The following NSD3 variants were observed in gnomAD, a reference collection of about 807,000 sequenced individuals.
The protein encoded by NSD3 is nuclear receptor binding SET domain protein 3.
Under a neutral mutation model 160.8 loss-of-function variants are expected in NSD3, and 24 were observed. The observed-to-expected ratio is 0.15, with a 90% CI of 0.11 to 0.21. The LOEUF (loss-of-function observed/expected upper bound fraction) is 0.21. NSD3 is among the 10% of genes least tolerant of loss of function. The pLI, the probability that NSD3 is intolerant of heterozygous loss-of-function variation, is 1.00. For synonymous variants in NSD3, 520 were observed against 600.0 expected (o/e 0.87, Z 1.95); for missense variants, 1,157 against 1,735.9 (o/e 0.67, Z 5.93).
Position 38,314,724 on chromosome 8 carries a change from C to T in NSD3, c.2165G>A (p.Cys722Tyr). 2 of 1,614,194 alleles carry T rather than the reference C, an allele frequency of 1.2e-6. No homozygotes were observed. The highest frequency in any genetic ancestry group is 1.7e-6 in the Non-Finnish European group (2 of 1,180,024). The change falls in exon 12 of 24, where the codon TGC becomes TAC. Residue 722 changes from cysteine (C) to tyrosine (Y), a missense_variant. Physicochemically the swap from Cys to Tyr is radical, Grantham distance 194. This residue lies in a region of NSD3 where 437 missense variants were observed against 576.6 expected (regional missense o/e 0.76). Transcript: ENST00000317025. ...DSLIPCEGEC[C>Y]KHFHLECLGL... ...CAGGCACTCCAGGTGAAAGTGTTTGCAGCACTCTCCCTCACAAGGAATCAG... is the reference window on the plus strand; with the variant it reads ...CAGGCACTCCAGGTGAAAGTGTTTGTAGCACTCTCCCTCACAAGGAATCAG...
chr8:38,315,757 T>G (rs1809646198), intron 10 of NSD3, among the ~76,000 whole-genome samples, 155 bp downstream of exon 10: 1 of 152,238 alleles, frequency 6.6e-6, no homozygotes, highest in Admixed American at 6.5e-5. Flanking sequence ...AGTTTTGTTA[T>G]ATAACATGAG....
intron 4 of NSD3, among the ~76,000 whole-genome samples, chr8:38,336,659 G>A (rs1381763850): frequency 3.3e-5 from 5 of 152,156 alleles, no homozygotes; most frequent in Admixed American, 3.3e-4. Flanking sequence ...TAAAACATCT[G>A]ATCGCTTGTC....
intron 21 of NSD3, 141 bp downstream of exon 21, chr8:38,279,399 T>G (rs1808683368): frequency 1.9e-6 from 2 of 1,046,698 alleles, no homozygotes; most frequent in Non-Finnish European, 2.7e-6. Context: ...TCTCCTTTTA[T>G]TTGAATACGT....
In NSD3 at chr8:38,304,681, T is replaced by G. The variant is rs977146515; in HGVS notation, c.2517A>C (p.Leu839Phe). 1 of 1,614,092 alleles carries G rather than the reference T, an allele frequency of 6.2e-7. No homozygotes were observed. The highest frequency in any genetic ancestry group is 8.5e-7 in the Non-Finnish European group (1 of 1,179,982). ...GDACIAAGSM[L>F]VSSYILICSN... Reference sequence around the variant, plus strand: ...TACAGATGAGAATGTAGGAGGATACTAACATGCTTCCGGCCGCAATGCAAG... The same window carrying G: ...TACAGATGAGAATGTAGGAGGATACGAACATGCTTCCGGCCGCAATGCAAG... Residue 839 changes from leucine (L) to phenylalanine (F), a missense_variant, in exon 14 of 24, where the codon TTA becomes TTC. Leu to Phe is a conservative substitution (Grantham distance 22, BLOSUM62 0). This residue lies in a region of NSD3 where 437 missense variants were observed against 576.6 expected (regional missense o/e 0.76). Transcript: ENST00000317025.
At chr8:38,341,799 C>T (rs1169739839) in intron 2 of NSD3, among the ~76,000 whole-genome samples, 1 of 151,440 alleles carries the variant, frequency 6.6e-6, no homozygotes, top group Admixed American at 6.6e-5. Flanking sequence ...AAAAAAAGAG[C>T]CAGGCGTAGT....
At chr8:38,283,670 G>A (rs113837358) in intron 19 of NSD3, among the ~76,000 whole-genome samples, 3 of 152,164 alleles carry the variant, frequency 2.0e-5, no homozygotes, top group Non-Finnish European at 2.9e-5. Flanking sequence ...GGCATGTGGC[G>A]AGTGAGCTCA....
chr8:38,306,992 G>A (rs1809414004), intron 12 of NSD3, among the ~76,000 whole-genome samples: 1 of 151,646 alleles, frequency 6.6e-6, no homozygotes, highest in African/African-American at 2.4e-5. Context: ...GCGGGCGCCT[G>A]TAGTCGCAGC....
chr8:38,334,078 T>G (rs1810143848), intron 4 of NSD3, among the ~76,000 whole-genome samples: 1 of 152,254 alleles, frequency 6.6e-6, no homozygotes, highest in Admixed American at 6.5e-5. Context: ...ATAGGCATCA[T>G]GCGTGGAACA....
At chr8:38,295,062 T>C (rs1030505962) in intron 16 of NSD3, among the ~76,000 whole-genome samples, 2 of 144,298 alleles carry the variant, frequency 1.4e-5, no homozygotes, top group Non-Finnish European at 3.0e-5. Context: ...GAGAATGGCA[T>C]GAACCCGGGA....
chr8:38,381,418 C>A (rs1172514668), intron 1 of NSD3, among the ~76,000 whole-genome samples: 1 of 151,946 alleles, frequency 6.6e-6, no homozygotes, highest in Non-Finnish European at 1.5e-5. Flanking sequence ...TATCAGTCCA[C>A]CCAGGTCTGT....
chr8:38,290,748 A>G, intron 16 of NSD3, 71 bp from the exon 17 acceptor site: 1 of 1,526,846 alleles, frequency 6.5e-7, no homozygotes, highest in Non-Finnish European at 8.9e-7. Flanking sequence ...CAAGATTGGC[A>G]GAAGGGAAAA....
intron 2 of NSD3, among the ~76,000 whole-genome samples, chr8:38,339,846 T>C (rs1810316340): frequency 6.6e-6 from 1 of 152,180 alleles, no homozygotes; most frequent in Non-Finnish European, 1.5e-5. Flanking sequence ...TAGAAATTTA[T>C]TCTATAGAAA....
At chr8:38,310,982 G>A (rs1809520404) in intron 12 of NSD3, among the ~76,000 whole-genome samples, 1 of 149,770 alleles carries the variant, frequency 6.7e-6, no homozygotes, top group African/African-American at 2.5e-5. Flanking sequence ...AAGCCAACAT[G>A]TTGTTTTCTT....
At chr8:38,286,300 A>C (rs1039126468) in intron 19 of NSD3, among the ~76,000 whole-genome samples, 1 of 151,738 alleles carries the variant, frequency 6.6e-6, no homozygotes, top group African/African-American at 2.4e-5. Context: ...CCACATAACA[A>C]ACAAACACAC....
chr8:38,283,665 G>T (rs1012200710), intron 19 of NSD3, among the ~76,000 whole-genome samples: 6 of 152,174 alleles, frequency 3.9e-5, no homozygotes, highest in Admixed American at 6.5e-5. Context: ...TTGGTGGCAT[G>T]TGGCGAGTGA....
Position 38,347,565 on chromosome 8 carries a change from G to C in NSD3, c.607C>G (p.His203Asp), listed in dbSNP as rs1384752938. The C allele has an allele frequency of 2.5e-6, 4 of 1,614,048 alleles. No individual in the cohort carries two copies. The change falls in exon 2 of 24, where the codon CAT becomes GAT. Residue 203 changes from histidine (H) to aspartate (D), a missense_variant. Coordinates refer to ENST00000317025, the MANE Select transcript of NSD3 (RefSeq NM_023034.2). ...RKEKRKKSNK[H>D]DSSRSEERKS... ...CGCTCTTCAGATCTTGATGAGTCAT[G>C]CTTGTTGCTTTTTTTCCTCTTTTCT...
In NSD3 at chr8:38,305,415, G is replaced by T; in HGVS notation, c.2273C>A (p.Ser758Tyr). The T allele has an allele frequency of 6.2e-7, 1 of 1,614,128 alleles. No individual in the cohort carries two copies. The highest frequency in any genetic ancestry group is 2.2e-5 in the East Asian group (1 of 44,886). Residue 758 changes from serine to tyrosine, a missense_variant, in exon 13 of 24, where the codon TCT (serine) becomes TAT (tyrosine). This residue lies in a region of NSD3 where 437 missense variants were observed against 576.6 expected (regional missense o/e 0.76). Coordinates refer to ENST00000317025, the MANE Select transcript of NSD3 (RefSeq NM_023034.2). ...AGAACAACGCTTCACATCTTTACCAGACACTTTACACGAAAAACATGGGTG... is the reference window on the plus strand; with the variant it reads ...AGAACAACGCTTCACATCTTTACCATACACTTTACACGAAAAACATGGGTG... Reference protein sequence around the residue: ...GQHPCFSCKVSGKDVKRCSVG... With the variant: ...GQHPCFSCKVYGKDVKRCSVG...
In NSD3 at chr8:38,271,230, C is replaced by CTAT. The variant is rs1419894664; in HGVS notation, c.*4408_*4410dup. On this transcript the variant is annotated 3_prime_UTR_variant, in exon 24 of 24. Transcript: ENST00000317025. Reference sequence around the variant, plus strand: ...ACGCTAAAGAGGATAAGAGACTAGGCTATTTATTTTCAAAACAGTTTACAA... The same window carrying CTAT: ...ACGCTAAAGAGGATAAGAGACTAGGCTATTATTTATTTTCAAAACAGTTTACAA... 1 of 152,134 alleles carries CTAT rather than the reference C, an allele frequency of 6.6e-6. No homozygotes were observed. The highest frequency in any genetic ancestry group is 1.5e-5 in the Non-Finnish European group (1 of 68,026). 9.4% of individuals were successfully genotyped at this position (152,134 alleles called of 1,614,324 possible).
intron 1 of NSD3, among the ~76,000 whole-genome samples, chr8:38,360,982 G>A (rs532552155): frequency 2.0e-5 from 3 of 152,224 alleles, no homozygotes; most frequent in South Asian, 2.1e-4. Flanking sequence ...ATTAAATAAC[G>A]AAGCAAAAGC....
Sources: gnomAD v4.1 joint callset for allele counts (sites outside exome capture counted in the v4.1 genomes callset) on GRCh38, gnomAD v4.1.1 for gene constraint, gnomAD v4.1.1 regional missense constraint, MANE v1.5 for transcripts, NCBI Gene and HGNC (gene_info 2026-07-23, HGNC 2026-07-21) for gene names.